The following PTPRF variants were observed in gnomAD, a reference collection of about 807,000 sequenced individuals.
PTPRF encodes the protein protein tyrosine phosphatase receptor type F.
In PTPRF, 59 loss-of-function variants were observed where a neutral mutation model predicts 201.8. That is an observed-to-expected ratio of 0.29 (90% CI 0.24 to 0.36). The LOEUF is 0.36. Among genes scored for constraint, PTPRF ranks in the 10% least tolerant of loss-of-function variants. The probability of loss-of-function intolerance (pLI) is 1.00; values close to 1 mark genes in which losing one functional copy is unlikely to be tolerated. For missense variants in PTPRF, 2,132 were observed against 2,690.5 expected, an observed-to-expected ratio of 0.79 and a Z score of 4.59; for synonymous variants, 1,088 against 1,089.7, an observed-to-expected ratio of 1.00 and a Z score of 0.03.
chr1:43,622,099 C>A lies in PTPRF; in HGVS notation c.*96C>A. On this transcript the variant is annotated 3_prime_UTR_variant, in exon 34 of 34. Coordinates refer to ENST00000359947, the MANE Select transcript of PTPRF (RefSeq NM_002840.5). ...CCGACCATCGTCCAGCCCTCCTACGCAGATGCTGTCACTGGCAGAGCACAG... is the reference window on the plus strand; with the variant it reads ...CCGACCATCGTCCAGCCCTCCTACGAAGATGCTGTCACTGGCAGAGCACAG... The A allele has an allele frequency of 2.3e-6, 3 of 1,312,578 alleles. No homozygotes were observed. Among genetic ancestry groups the A allele is most frequent in the Non-Finnish European group, 3.3e-6 (3 of 916,466 alleles). The allele number at this position is 1,312,578 out of a possible 1,614,324, so 81.3% of individuals were successfully genotyped here.
intron 5 of PTPRF, among the ~76,000 whole-genome samples, chr1:43,561,198 T>C (rs1645785016): frequency 6.6e-6 from 1 of 152,174 alleles, no homozygotes; most frequent in African/African-American, 2.4e-5. Context: ...GATAGACATA[T>C]GACCCTGTCC....
chr1:43,592,629 T>C (rs200231104), intron 11 of PTPRF, 28 bp downstream of exon 11: 2 of 1,554,636 alleles, frequency 1.3e-6, no homozygotes, highest in African/African-American at 2.7e-5. Flanking sequence ...CCGCTGCCTG[T>C]TACACCTGGG....
chr1:43,567,011 ACACAGGGCTG>A (rs1456320474), intron 5 of PTPRF, among the ~76,000 whole-genome samples: 1 of 152,196 alleles, frequency 6.6e-6, no homozygotes, highest in Non-Finnish European at 1.5e-5. Flanking sequence ...AGATTCCGAG[ACACAGGGCTG>A]CACACATTTG....
Position 43,592,608 on chromosome 1 carries a change from G to A in PTPRF, c.1813+7G>A, listed in dbSNP as rs750700709. 18 of 1,574,906 alleles carry A rather than the reference G, an allele frequency of 1.1e-5. No homozygotes were observed. Among genetic ancestry groups the A allele is most frequent in the Non-Finnish European group, 1.6e-5 (18 of 1,159,586 alleles). On this transcript the variant is annotated splice_region_variant and intron_variant, in intron 11 of 33. Transcript: ENST00000359947. ...GCCCGCACAGCCCAGTCCAGTAAGT[G>A]TCTCCCAAGTCCGCTGCCTGTTACA...
intron 13 of PTPRF, among the ~76,000 whole-genome samples, chr1:43,600,416 C>CTCCTTCTTG (rs1653466174): frequency 6.6e-6 from 1 of 152,068 alleles, no homozygotes; most frequent in African/African-American, 2.4e-5. Flanking sequence ...GGCGGTAACT[C>CTCCTTCTTG]GAGTCTGGGC....
At chr1:43,526,536 C>T (rs1557640933), upstream of PTPRF, among the ~76,000 whole-genome samples, 1 of 151,868 alleles carries the variant, frequency 6.6e-6, no homozygotes, top group South Asian at 2.1e-4. Flanking sequence ...GTAAATAGGC[C>T]GTTTTGTAGT....
intron 22 of PTPRF, among the ~76,000 whole-genome samples, chr1:43,611,564 G>A (rs1472109434): frequency 6.6e-6 from 1 of 152,200 alleles, no homozygotes; most frequent in Non-Finnish European, 1.5e-5. Flanking sequence ...TCTTCAGGAT[G>A]CCAGGGAGGT....
chr1:43,599,860 C>A (rs1029036125), intron 13 of PTPRF, among the ~76,000 whole-genome samples: 2 of 152,170 alleles, frequency 1.3e-5, no homozygotes, highest in African/African-American at 4.8e-5. Context: ...TCCCAAAAGA[C>A]CCTGCTGGAG....
In PTPRF at chr1:43,553,401, C is replaced by A; in HGVS notation, c.92-91C>A. The A allele has an allele frequency of 7.1e-7, 1 of 1,405,178 alleles. No individual in the cohort carries two copies. The highest frequency in any genetic ancestry group is 9.8e-7 in the Non-Finnish European group (1 of 1,021,536). 87.0% of individuals were successfully genotyped at this position (1,405,178 alleles called of 1,614,324 possible). On this transcript the variant is annotated intron_variant, in intron 3 of 33. Transcript: ENST00000359947. This position sits in a 1 kb window ranked among gnomAD's most constrained non-coding sequence, Gnocchi z 4.1. The stretch of plus-strand genomic sequence containing the variant: ...AGGTGTCCTTGTTTTCTTTGTAGGT[C>A]TTTCTCTCTGCCCCCATGACTGCCA...
intron 22 of PTPRF, chr1:43,613,086 CTCTCA>C (rs1656871792): frequency 2.8e-6 from 1 of 352,938 alleles, no homozygotes; most frequent in African/African-American, 2.1e-5. Flanking sequence ...GTGCCTCTAC[CTCTCA>C]TCTCCTCTCC....
In PTPRF at chr1:43,603,421, C is replaced by T. The variant is rs1473849838; in HGVS notation, c.2346C>T (p.Thr782=). The change falls in exon 15 of 34, where the codon ACC becomes ACT. Residue 782 remains threonine, a synonymous_variant. Coordinates refer to ENST00000359947, the MANE Select transcript of PTPRF (RefSeq NM_002840.5). This position sits in a 1 kb window ranked among gnomAD's most constrained non-coding sequence, Gnocchi z 5.8. ...AACCCCTCCTCCTCCCTCAGGAAAC[C>T]ACTATCAGCGGCCTGACCCCGGAGA... The part of the protein sequence containing the change: ...WRPEESEDYE[T]TISGLTPETT... The T allele has an allele frequency of 6.2e-6, 10 of 1,613,842 alleles. No individual in the cohort carries two copies. The highest frequency in any genetic ancestry group is 1.3e-5 in the African/African-American group (1 of 74,894).
In PTPRF at chr1:43,620,442, C is replaced by T. The variant is rs965850808; in HGVS notation, c.5239-12C>T. ...CTCACCTGATTATGGGGGCCCGACC[C>T]TCTGTCCACAGGAGAAATGCCACCA... On this transcript the variant is annotated splice_polypyrimidine_tract_variant and intron_variant, in intron 30 of 33. Coordinates refer to ENST00000359947, the MANE Select transcript of PTPRF (RefSeq NM_002840.5). The T allele has an allele frequency of 1.9e-6, 3 of 1,607,792 alleles. No individual in the cohort carries two copies. The highest frequency in any genetic ancestry group is 2.7e-5 in the African/African-American group (2 of 74,928).
In PTPRF at chr1:43,613,761, C is replaced by T. The variant is rs1279017767; in HGVS notation, c.4071+46C>T. The stretch of plus-strand genomic sequence containing the variant: ...ACCATGTGCCTGGCCCAGGCCTACC[C>T]AAACCAGCTCCTGTCCTGTCCTAGG... On this transcript the variant is annotated intron_variant, in intron 23 of 33. Coordinates refer to ENST00000359947, the MANE Select transcript of PTPRF (RefSeq NM_002840.5). The T allele has an allele frequency of 2.0e-6, 3 of 1,515,516 alleles. No homozygotes were observed. The African/African-American group carries it at 4.1e-5, about 21-fold the overall frequency. 93.9% of individuals were successfully genotyped at this position (1,515,516 alleles called of 1,614,324 possible).
Position 43,546,952 on chromosome 1 carries a change from G to A in PTPRF, c.91+1786G>A, listed in dbSNP as rs1332142519. On this transcript the variant is annotated intron_variant, in intron 3 of 33. Coordinates refer to ENST00000359947, the MANE Select transcript of PTPRF (RefSeq NM_002840.5). The surrounding 1 kb of genome is among the most constrained non-coding windows in gnomAD (Gnocchi z 4.2). ...CATCCAAGCCACCCTCGGCTCTTGG[G>A]CTTTTGCACGCAACAGCCTCCTGAC... 6.6e-6 allele frequency among the ~76,000 whole-genome samples: 1 copy of A among 152,160 alleles called. No individual in the cohort carries two copies. The highest frequency in any genetic ancestry group is 2.4e-5 in the African/African-American group (1 of 41,416).
chr1:43,532,168 C>T (rs1420242939), intron 1 of PTPRF, among the ~76,000 whole-genome samples: 2 of 152,172 alleles, frequency 1.3e-5, no homozygotes, highest in African/African-American at 4.8e-5. Context: ...TGTCTCTGCA[C>T]TCTCTGTGCT....
Position 43,545,037 on chromosome 1 carries a change from T to C in PTPRF, c.-39T>C, listed in dbSNP as rs762766721. The C allele has an allele frequency of 2.6e-6, 4 of 1,521,070 alleles. No individual in the cohort carries two copies. The highest frequency in any genetic ancestry group is 3.6e-6 in the Non-Finnish European group (4 of 1,123,802). The allele number at this position is 1,521,070 out of a possible 1,614,324, so 94.2% of individuals were successfully genotyped here. A position where few individuals can be genotyped will look rare whatever the true frequency, so the allele number is the denominator to read the frequency against. On this transcript the variant is annotated 5_prime_UTR_variant, in exon 3 of 34. Transcript: ENST00000359947. ...GCCCTTCTCTCCATTACAGGTTGAT[T>C]GTCCTGGGCTGTGGCTGGCTGTGGA...
intron 13 of PTPRF, 23 bp downstream of exon 13, chr1:43,598,936 G>A: frequency 6.2e-7 from 1 of 1,606,898 alleles, no homozygotes; most frequent in Non-Finnish European, 8.5e-7. Context: ...GTGGTGGTGG[G>A]GTGGCAGGGT....
intron 16 of PTPRF, 67 bp downstream of exon 16, chr1:43,604,256 A>G: frequency 6.6e-7 from 1 of 1,521,688 alleles, no homozygotes; most frequent in Non-Finnish European, 8.9e-7. Flanking sequence ...GCTCTCCTTG[A>G]GCCACTGACC....
chr1:43,603,464 G>A lies in PTPRF; in HGVS notation c.2389G>A (p.Val797Ile). ...CCCGGAGACCACCTACTCCGTTACT[G>A]TTGCTGCCTATACCACCAAGGGGGA... ...LTPETTYSVTVAAYTTKGDGA... is the reference protein window; with the variant it reads ...LTPETTYSVTIAAYTTKGDGA... Residue 797 changes from valine (V) to isoleucine (I), a missense_variant, in exon 15 of 34, where the codon GTT becomes ATT. Around this residue, in one of 6 missense-constraint regions of PTPRF, gnomAD observed 818 missense variants for 915.3 expected, o/e 0.89. Coordinates refer to ENST00000359947, the MANE Select transcript of PTPRF (RefSeq NM_002840.5). This position sits in a 1 kb window ranked among gnomAD's most constrained non-coding sequence, Gnocchi z 5.8. 1 of 1,614,164 alleles carries A rather than the reference G, an allele frequency of 6.2e-7. No homozygotes were observed. Among genetic ancestry groups the A allele is most frequent in the African/African-American group, 1.3e-5 (1 of 75,030 alleles).
Sources: allele counts gnomAD v4.1 joint callset (sites outside exome capture counted in the v4.1 genomes callset), GRCh38; gene constraint gnomAD v4.1.1; regional missense constraint gnomAD v4.1.1; non-coding constraint Gnocchi (gnomAD v3.1); transcripts MANE v1.5; gene names NCBI Gene and HGNC (gene_info 2026-07-23, HGNC 2026-07-21).